DSCAML1: variants seen among roughly 807,000 people sequenced by gnomAD.
DSCAML1 encodes DS cell adhesion molecule like 1, also known as cell adhesion molecule DSCAML1.
DSCAML1 carries 38 observed loss-of-function variants against 200.5 expected under a neutral mutation model. The observed-to-expected ratio is 0.19, with a 90% confidence interval of 0.15 to 0.25. The LOEUF (loss-of-function observed/expected upper bound fraction) is 0.25. Among genes scored for constraint, DSCAML1 ranks in the 10% least tolerant of loss-of-function variants. The pLI, the probability that DSCAML1 is intolerant of heterozygous loss-of-function variation, is 1.00. For synonymous variants in DSCAML1, 1,215 were observed against 1,165.0 expected, an observed-to-expected ratio of 1.04 and a Z score of -0.87; for missense variants, 2,223 against 2,858.8, an observed-to-expected ratio of 0.78 and a Z score of 5.07.
chr11:117,698,382 G>C (rs1315940661), intron 3 of DSCAML1, among the ~76,000 whole-genome samples: 3 of 152,224 alleles, frequency 2.0e-5, no homozygotes, highest in African/African-American at 7.2e-5. Context: ...TAAAGGCCCA[G>C]ACTTCACTGC....
chr11:117,530,206 GC>G (rs2050048911), intron 4 of DSCAML1, among the ~76,000 whole-genome samples: 1 of 152,134 alleles, frequency 6.6e-6, no homozygotes, highest in Non-Finnish European at 1.5e-5. Context: ...GGGAAGAAGG[GC>G]TGGCATGGCC....
chr11:117,623,930 A>G (rs1037381405), intron 3 of DSCAML1, among the ~76,000 whole-genome samples: 2 of 152,212 alleles, frequency 1.3e-5, no homozygotes, highest in African/African-American at 4.8e-5. Flanking sequence ...TTGGAGGATA[A>G]TGGCTTGCTG....
chr11:117,762,339 A>G (rs10892169), intron 3 of DSCAML1, among the ~76,000 whole-genome samples: 103,950 of 152,002 alleles, frequency 0.68, 37,895 homozygotes, highest in East Asian at 0.84. Context: ...TCTTTAAAAT[A>G]TGAGGTTGTG....
intron 20 of DSCAML1, among the ~76,000 whole-genome samples, chr11:117,445,762 C>G (rs1259541887): frequency 1.3e-5 from 2 of 152,118 alleles, no homozygotes; most frequent in East Asian, 3.8e-4. Flanking sequence ...ATATTTGTGC[C>G]TACACAGGCA....
chr11:117,816,881 GGACAGGA>G (rs1215210043), intron 1 of DSCAML1, among the ~76,000 whole-genome samples: 1 of 151,902 alleles, frequency 6.6e-6, no homozygotes, highest in African/African-American at 2.4e-5. Context: ...CCCTCACCCT[GGACAGGA>G]GATCAGCCTG....
Position 117,439,263 on chromosome 11 carries a change from C to T in DSCAML1, c.4144+3G>A, listed in dbSNP as rs2047989849. On this transcript the variant is annotated splice_donor_region_variant and intron_variant, in intron 23 of 32. Coordinates refer to ENST00000651296, the MANE Select transcript of DSCAML1 (RefSeq NM_020693.4). ...TGGGGTCACCTGCCTCACAGAGCCT[C>T]ACCTTGCACCAGAAGGTTGACGATG... 1 of 1,613,754 alleles carries T rather than the reference C, an allele frequency of 6.2e-7. No homozygotes were observed. Among genetic ancestry groups the T allele is most frequent in the Non-Finnish European group, 8.5e-7 (1 of 1,179,876 alleles).
At chr11:117,474,094 C>T (rs1481477257) in intron 14 of DSCAML1, among the ~76,000 whole-genome samples, 1 of 152,166 alleles carries the variant, frequency 6.6e-6, no homozygotes, top group Admixed American at 6.5e-5. Flanking sequence ...CTAATATTTA[C>T]CAAGCACCTG....
intron 3 of DSCAML1, among the ~76,000 whole-genome samples, chr11:117,708,570 C>T (rs1779809519): frequency 6.6e-6 from 1 of 152,236 alleles, no homozygotes; most frequent in African/African-American, 2.4e-5. Flanking sequence ...ACTTGGCACA[C>T]AGCAAGCCCT....
chr11:117,484,934 TG>T (rs1261043995), intron 11 of DSCAML1, among the ~76,000 whole-genome samples: 23 of 124,836 alleles, frequency 1.8e-4, no homozygotes, highest in Admixed American at 5.7e-4. Flanking sequence ...TGTGTGTGTG[TG>T]TGTGTGTAAG....
intron 3 of DSCAML1, among the ~76,000 whole-genome samples, chr11:117,659,505 C>T (rs1031856411): frequency 6.6e-6 from 1 of 152,194 alleles, no homozygotes; most frequent in Non-Finnish European, 1.5e-5. Context: ...AACAGCTTGG[C>T]TGATCTAGAC....
At chr11:117,633,214 G>C (rs1254436589) in intron 3 of DSCAML1, among the ~76,000 whole-genome samples, 1 of 152,128 alleles carries the variant, frequency 6.6e-6, no homozygotes, top group African/African-American at 2.4e-5. Context: ...TCTGGGGACA[G>C]TGTGTGTCTC....
rs897453894 is a variant in DSCAML1, at chr11:117,580,485, G to A, written c.512-47963C>T. 2.6e-5 allele frequency among the ~76,000 whole-genome samples: 4 copies of A among 152,208 alleles called. No individual in the cohort carries two copies. In the East Asian group the frequency reaches 7.7e-4, roughly 29 times the overall value. ...TATTGGTAAAAGACAGAGAATCATG[G>A]CACATAGGTACTTTCAGGAATTTTG... On this transcript the variant is annotated intron_variant, in intron 3 of 32. Coordinates refer to ENST00000651296, the MANE Select transcript of DSCAML1 (RefSeq NM_020693.4).
intron 3 of DSCAML1, among the ~76,000 whole-genome samples, chr11:117,583,413 G>A (rs2051080233): frequency 6.6e-6 from 1 of 152,126 alleles, no homozygotes; most frequent in Non-Finnish European, 1.5e-5. Flanking sequence ...TAGGCTTCGT[G>A]GTCTGACCTC....
At chr11:117,755,122 C>T (rs2054664336) in intron 3 of DSCAML1, among the ~76,000 whole-genome samples, 1 of 152,142 alleles carries the variant, frequency 6.6e-6, no homozygotes, top group African/African-American at 2.4e-5. Context: ...GGAAATTGTG[C>T]TACACCTTTC....
chr11:117,450,569 T>C lies in DSCAML1; in HGVS notation c.3688A>G (p.Ser1230Gly). 2 of 1,614,152 alleles carry C rather than the reference T, an allele frequency of 1.2e-6. No homozygotes were observed. Among genetic ancestry groups the C allele is most frequent in the Non-Finnish European group, 8.5e-7 (1 of 1,180,014 alleles). Residue 1230 changes from serine to glycine, a missense_variant, in exon 20 of 33, where the codon AGC (serine) becomes GGC (glycine). Physicochemically the swap from Ser to Gly is moderately conservative, Grantham distance 56. Transcript: ENST00000651296. ...VIRKYTIFCS[S>G]PGSGQPAPSE... is the part of the protein sequence containing the mutation. ...CTTACCGGCTGGCCAGACCCGGGGC[T>C]GGAACAGAAGATGGTGTACTTGCGG...
chr11:117,677,779 G>A (rs1050983736), intron 3 of DSCAML1, among the ~76,000 whole-genome samples: 2 of 152,164 alleles, frequency 1.3e-5, no homozygotes, highest in Non-Finnish European at 2.9e-5. Flanking sequence ...TTACAGCTAA[G>A]GTAACTGAGG....
rs1206864847 is a variant in DSCAML1 at position 117,580,582 on chromosome 11, T to C, written c.512-48060A>G. 8.0e-5 allele frequency among the ~76,000 whole-genome samples: 12 copies of C among 149,810 alleles called. No individual in the cohort carries two copies. The East Asian group carries it at 2.0e-3, about 24-fold the overall frequency. Reference sequence around the variant, plus strand: ...GCACCCAGTAATTGCTAAATAAATGTTGGCCATTTTAATGATCGTTAATAG... The same window carrying C: ...GCACCCAGTAATTGCTAAATAAATGCTGGCCATTTTAATGATCGTTAATAG... On this transcript the variant is annotated intron_variant, in intron 3 of 32. Coordinates refer to ENST00000651296, the MANE Select transcript of DSCAML1 (RefSeq NM_020693.4).
chr11:117,461,623 G>A (rs1382956720), intron 17 of DSCAML1, 27 bp from the exon 18 acceptor site: 3 of 1,603,370 alleles, frequency 1.9e-6, no homozygotes, highest in Admixed American at 1.7e-5. Flanking sequence ...GAGAACCAAG[G>A]GTCCAGTCAG....
At chr11:117,644,551 C>G (rs978348941) in intron 3 of DSCAML1, among the ~76,000 whole-genome samples, 6 of 152,254 alleles carry the variant, frequency 3.9e-5, no homozygotes, top group Non-Finnish European at 8.8e-5. Flanking sequence ...CTCCCACAGA[C>G]GACATCCATC....
Sources: gnomAD v4.1 joint callset for allele counts (sites outside exome capture counted in the v4.1 genomes callset) on GRCh38, gnomAD v4.1.1 for gene constraint, MANE v1.5 for transcripts, NCBI Gene and HGNC (gene_info 2026-07-23, HGNC 2026-07-21) for gene names.